PAK1: variants seen among roughly 807,000 people sequenced by gnomAD.
PAK1 encodes p21 (RAC1) activated kinase 1.
PAK1 carries 29 observed loss-of-function variants against 67.4 expected under a neutral mutation model. The observed-to-expected ratio is 0.43, with a 90% CI of 0.32 to 0.59. The LOEUF is 0.59. Ranked by LOEUF, PAK1 falls within the 20% of genes least tolerant of loss-of-function variation. The pLI, the probability that PAK1 is intolerant of heterozygous loss-of-function variation, is 0.07. For missense variants in PAK1, 337 were observed against 670.7 expected, an observed-to-expected ratio of 0.50 and a Z score of 5.50; for synonymous variants, 223 against 237.4, an observed-to-expected ratio of 0.94 and a Z score of 0.56.
chr11:77,529,316 A>T, the PAK1 span, among the ~76,000 whole-genome samples: 1 of 152,150 alleles, frequency 6.6e-6, no homozygotes, highest in African/African-American at 2.4e-5. Context: ...TGGAATTTTT[A>T]TCTATGCTGC....
At chr11:77,444,743 T>C (rs1031359037) in intron 1 of PAK1, among the ~76,000 whole-genome samples, 21 of 152,156 alleles carry the variant, frequency 1.4e-4, no homozygotes, top group Admixed American at 1.3e-4. Context: ...CAAAAACAAC[T>C]AAGTAAAAAA....
At position 77,404,952 on chromosome 11, in the gene PAK1, A is replaced by G. The variant is rs575061061; in HGVS notation, c.-21-12411T>C. Among the ~76,000 whole-genome samples, 3 of 152,346 alleles carry G rather than the reference A, an allele frequency of 2.0e-5. No individual in the cohort carries two copies. The South Asian group carries it at 6.2e-4, about 32-fold the overall frequency. On this transcript the variant is annotated intron_variant, in intron 1 of 14. Coordinates refer to ENST00000356341, the MANE Select transcript of PAK1 (RefSeq NM_002576.5). ...AGAGAAATACACAAATAAATACACA[A>G]TATCAAGTCCACGTGTATGTGTGAA...
the PAK1 span, among the ~76,000 whole-genome samples, chr11:77,494,676 G>GA: frequency 6.6e-6 from 1 of 151,628 alleles, no homozygotes; most frequent in Non-Finnish European, 1.5e-5. Context: ...GGTGGGAATG[G>GA]AAAATGATAC....
intron 5 of PAK1, 117 bp from the exon 6 acceptor site, chr11:77,359,134 T>A: frequency 1.1e-6 from 1 of 876,522 alleles, no homozygotes; most frequent in Non-Finnish European, 1.7e-6. Context: ...AAATACACAT[T>A]AGCCTCCAAG....
At chr11:77,406,897 A>G (rs1158824576) in intron 1 of PAK1, among the ~76,000 whole-genome samples, 2 of 152,184 alleles carry the variant, frequency 1.3e-5, no homozygotes, top group Non-Finnish European at 2.9e-5. Flanking sequence ...CACAATAACA[A>G]TACAATATGG....
At chr11:77,491,227 A>G in the PAK1 span, among the ~76,000 whole-genome samples, 1 of 152,164 alleles carries the variant, frequency 6.6e-6, no homozygotes, top group African/African-American at 2.4e-5. Flanking sequence ...ACTCAATGGT[A>G]ACAGTAAGTA....
chr11:77,475,509 A>C (rs1247523663), upstream of PAK1: 3 of 152,218 alleles, frequency 2.0e-5, no homozygotes, highest in African/African-American at 7.2e-5. Flanking sequence ...TGCTTACACT[A>C]GCCTTTCTAG....
At chr11:77,410,730 TAGAA>T (rs957498148) in intron 1 of PAK1, among the ~76,000 whole-genome samples, 3 of 128,200 alleles carry the variant, frequency 2.3e-5, no homozygotes, top group South Asian at 2.6e-4. Context: ...GAGGAGGAAA[TAGAA>T]AGAAAAGTGA....
chr11:77,401,486 A>C (rs533049594), intron 1 of PAK1, among the ~76,000 whole-genome samples: 3 of 152,368 alleles, frequency 2.0e-5, no homozygotes, highest in African/African-American at 7.2e-5. Flanking sequence ...CACGAGAATT[A>C]ACAAGCATAT....
intron 5 of PAK1, among the ~76,000 whole-genome samples, chr11:77,371,019 A>G (rs1295765376): frequency 6.6e-6 from 1 of 152,216 alleles, no homozygotes; most frequent in Non-Finnish European, 1.5e-5. Context: ...TTAACACTAT[A>G]TTATAAATCC....
chr11:77,394,932 T>C (rs543388233), intron 1 of PAK1, among the ~76,000 whole-genome samples: 2 of 152,114 alleles, frequency 1.3e-5, no homozygotes, highest in South Asian at 4.2e-4. Context: ...AGGCCCTCTG[T>C]TATTTGACCA....
the PAK1 span, among the ~76,000 whole-genome samples, chr11:77,508,231 A>G: frequency 6.6e-6 from 1 of 152,266 alleles, no homozygotes; most frequent in Admixed American, 6.5e-5. Flanking sequence ...ACTACTGCCT[A>G]CCTCCACAGG....
Position 77,389,520 on chromosome 11 carries a change from A to G in PAK1, c.190+2811T>C, listed in dbSNP as rs143223195. Among the ~76,000 whole-genome samples the G allele has an allele frequency of 7.4e-3, 1,123 of 152,168 alleles. 27 individuals carry two copies. The highest frequency in any genetic ancestry group is 0.026 in the African/African-American group (1,073 of 41,508). ...GCAATTTCTCCACATCCTCACTAAC[A>G]CTTGTTATTATCTTTTTTATTATAG... is the stretch of plus-strand genomic sequence containing the variant. On this transcript the variant is annotated intron_variant, in intron 2 of 14. Coordinates refer to ENST00000356341, the MANE Select transcript of PAK1 (RefSeq NM_002576.5).
the PAK1 span, among the ~76,000 whole-genome samples, chr11:77,513,073 G>A: frequency 2.6e-4 from 40 of 151,772 alleles, no homozygotes; most frequent in South Asian, 8.4e-4. Flanking sequence ...CTGGGCGATG[G>A]ACTGAGACCC....
At chr11:77,489,982 G>A in the PAK1 span, among the ~76,000 whole-genome samples, 1,607 of 149,842 alleles carry the variant, frequency 0.011, 10 homozygotes, top group Middle Eastern at 0.018. Context: ...CTGCCCGGCC[G>A]CCATCCCATC....
chr11:77,362,754 T>C (rs1008797438), intron 5 of PAK1, among the ~76,000 whole-genome samples: 8 of 151,812 alleles, frequency 5.3e-5, no homozygotes, highest in South Asian at 2.1e-4. Context: ...GTGCTCAGTA[T>C]AGGATTGCTA....
intron 1 of PAK1, among the ~76,000 whole-genome samples, chr11:77,459,515 T>C (rs1457888031): frequency 6.6e-6 from 1 of 152,220 alleles, no homozygotes; most frequent in Non-Finnish European, 1.5e-5. Flanking sequence ...GTTCCAAGCA[T>C]TGTACTAAGT....
At chr11:77,460,009 TA>T (rs987096899) in intron 1 of PAK1, among the ~76,000 whole-genome samples, 2 of 151,950 alleles carry the variant, frequency 1.3e-5, no homozygotes, top group Non-Finnish European at 2.9e-5. Context: ...GGCTCTTCTT[TA>T]GATTAGAAAG....
intron 1 of PAK1, among the ~76,000 whole-genome samples, chr11:77,417,474 T>C (rs1592395484): frequency 6.6e-6 from 1 of 151,956 alleles, no homozygotes; most frequent in Admixed American, 6.6e-5. Flanking sequence ...AAGGTTGGGG[T>C]TAGTGGTTAA....
Sources: gnomAD v4.1 joint callset for allele counts (sites outside exome capture counted in the v4.1 genomes callset) on GRCh38, gnomAD v4.1.1 for gene constraint, MANE v1.5 for transcripts, NCBI Gene and HGNC (gene_info 2026-07-23, HGNC 2026-07-21) for gene names.